DCDC2: variants seen among roughly 807,000 people sequenced by gnomAD.
DCDC2 encodes doublecortin domain-containing protein 2.
In DCDC2, 40 loss-of-function variants were observed where a neutral mutation model predicts 50.2. That is an observed-to-expected ratio of 0.80 (90% CI 0.62 to 1.04). DCDC2 has a LOEUF of 1.04. Among genes scored for constraint, DCDC2 ranks in the 50% least tolerant of loss-of-function variants. The probability of loss-of-function intolerance (pLI) is 0.00; values close to 1 mark genes in which losing one functional copy is unlikely to be tolerated. For synonymous variants in DCDC2, 234 were observed against 210.6 expected (o/e 1.11, Z -0.96); for missense variants, 570 against 581.9 (o/e 0.98, Z 0.21).
intron 7 of DCDC2, among the ~76,000 whole-genome samples, chr6:24,230,477 A>G (rs1237353758): frequency 6.6e-6 from 1 of 152,092 alleles, no homozygotes; most frequent in Admixed American, 6.5e-5. Flanking sequence ...CCCCGCCACT[A>G]CAAAAAAATA....
At chr6:24,211,522 C>T (rs1334945629) in intron 7 of DCDC2, among the ~76,000 whole-genome samples, 2 of 152,086 alleles carry the variant, frequency 1.3e-5, no homozygotes, top group Admixed American at 6.5e-5. Context: ...AAGCAGCTGA[C>T]CTTGAGATGG....
intron 7 of DCDC2, among the ~76,000 whole-genome samples, chr6:24,241,347 A>G (rs1382649247): frequency 2.0e-5 from 3 of 152,212 alleles, no homozygotes; most frequent in African/African-American, 7.2e-5. Context: ...TTACACAAAT[A>G]TATTTCACAT....
chr6:24,185,722 CACACATAT>C (rs748051670), intron 8 of DCDC2, among the ~76,000 whole-genome samples: 2 of 137,382 alleles, frequency 1.5e-5, no homozygotes, highest in Admixed American at 1.4e-4. Context: ...CACACACACA[CACACATAT>C]ACACACAGAT....
intron 2 of DCDC2, among the ~76,000 whole-genome samples, chr6:24,320,371 G>A (rs138603349): frequency 0.014 from 2,068 of 152,152 alleles, 29 homozygotes; most frequent in Non-Finnish European, 0.018. Context: ...TCTCACTGTC[G>A]CCCAGGCTGG....
chr6:24,262,207 T>C (rs1316209080), intron 7 of DCDC2, among the ~76,000 whole-genome samples: 1 of 145,486 alleles, frequency 6.9e-6, no homozygotes, highest in African/African-American at 2.6e-5. Flanking sequence ...TTGTGAGACT[T>C]TGCATTGTAA....
chr6:24,339,996 T>C (rs112667350), intron 2 of DCDC2, among the ~76,000 whole-genome samples: 81 of 152,272 alleles, frequency 5.3e-4, no homozygotes, highest in Non-Finnish European at 6.9e-4. Context: ...TGGAGAGGAA[T>C]AGAGTTTCGG....
intron 2 of DCDC2, among the ~76,000 whole-genome samples, chr6:24,347,935 G>C (rs957436931): frequency 6.6e-6 from 1 of 152,118 alleles, no homozygotes; most frequent in African/African-American, 2.4e-5. Context: ...ACTTAAATTG[G>C]CCCAAAAGGA....
intron 7 of DCDC2, among the ~76,000 whole-genome samples, chr6:24,224,477 G>A (rs62403472): frequency 0.079 from 11,991 of 152,264 alleles, 761 homozygotes; most frequent in African/African-American, 0.17. Flanking sequence ...GATCTGCTCA[G>A]TGCTCTTTAA....
chr6:24,357,952 G>GT lies in DCDC2; in HGVS notation c.-203dup, dbSNP rs1443965349. ...ACACTAGGAGCTTGCAGGACTCGGA[G>GT]TAGACGCTCAAGTTTTTCACCGTGG... On this transcript the variant is annotated 5_prime_UTR_variant, in exon 1 of 10. Coordinates refer to ENST00000378454, the MANE Select transcript of DCDC2 (RefSeq NM_016356.5). 5 of 1,499,384 alleles carry GT rather than the reference G, an allele frequency of 3.3e-6. No homozygotes were observed. The highest frequency in any genetic ancestry group is 4.4e-6 in the Non-Finnish European group (5 of 1,124,610). The allele number at this position is 1,499,384 out of a possible 1,614,324, so 92.9% of individuals were successfully genotyped here. A position where few individuals can be genotyped will look rare whatever the true frequency, so the allele number is the denominator to read the frequency against.
Position 24,318,698 on chromosome 6 carries a change from C to T in DCDC2, c.349-16654G>A, listed in dbSNP as rs577425615. 2.6e-5 allele frequency among the ~76,000 whole-genome samples: 4 copies of T among 152,052 alleles called. No individual in the cohort carries two copies. The South Asian group carries it at 8.3e-4, about 32-fold the overall frequency. ...TGAGTAGTTACGCTTAAGATAATGG[C>T]TTCCAGTTCCATCCATGTTGCGGCA... is the stretch of plus-strand genomic sequence containing the variant. On this transcript the variant is annotated intron_variant, in intron 2 of 9. Coordinates refer to ENST00000378454, the MANE Select transcript of DCDC2 (RefSeq NM_016356.5).
chr6:24,251,293 C>T (rs1009734148), intron 7 of DCDC2, among the ~76,000 whole-genome samples: 1 of 152,146 alleles, frequency 6.6e-6, no homozygotes, highest in Non-Finnish European at 1.5e-5. Flanking sequence ...AAAGTGAACC[C>T]CAAATGGCGC....
intron 2 of DCDC2, among the ~76,000 whole-genome samples, chr6:24,336,971 G>A (rs934623220): frequency 2.6e-5 from 4 of 152,066 alleles, no homozygotes; most frequent in Non-Finnish European, 5.9e-5. Flanking sequence ...AGGAACATGA[G>A]GCTCATAAAG....
chr6:24,307,130 A>T (rs1021341350), intron 2 of DCDC2, among the ~76,000 whole-genome samples: 1 of 152,136 alleles, frequency 6.6e-6, no homozygotes, highest in African/African-American at 2.4e-5. Context: ...TGCTCCATGA[A>T]CTAATTAATA....
intron 4 of DCDC2, among the ~76,000 whole-genome samples, chr6:24,294,359 A>C (rs1047117231): frequency 1.3e-5 from 2 of 152,110 alleles, no homozygotes; most frequent in Admixed American, 6.5e-5. Context: ...TGTCTCCAAA[A>C]AAAAAGTTAG....
At position 24,288,842 on chromosome 6, in the gene DCDC2, T is replaced by C; in HGVS notation, c.759+10A>G. The stretch of plus-strand genomic sequence containing the variant: ...ATAGAACATCAACGAGGAAAGCATC[T>C]GATACTTACACTCCCTTTAGACTTT... On this transcript the variant is annotated intron_variant, in intron 6 of 9. Transcript: ENST00000378454. 6.2e-7 allele frequency: 1 copy of C among 1,608,562 alleles called. No individual in the cohort carries two copies. Among genetic ancestry groups the C allele is most frequent in the South Asian group, 1.1e-5 (1 of 90,866 alleles).
At position 24,173,384 on chromosome 6, in the gene DCDC2, T is replaced by C. The variant is rs1004157703; in HGVS notation, c.*1346A>G. ...AATGTTTTAAACTTGTAATTGTGAA[T>C]TTTAGAAAAGCACTAGAAGTTAAAA... On this transcript the variant is annotated 3_prime_UTR_variant, in exon 10 of 10. Coordinates refer to ENST00000378454, the MANE Select transcript of DCDC2 (RefSeq NM_016356.5). 2 of 152,162 alleles carry C rather than the reference T, an allele frequency of 1.3e-5. No individual in the cohort carries two copies. The highest frequency in any genetic ancestry group is 2.9e-5 in the Non-Finnish European group (2 of 68,016). 9.4% of individuals were successfully genotyped at this position (152,162 alleles called of 1,614,324 possible).
chr6:24,188,435 A>G (rs1761248560), intron 8 of DCDC2, among the ~76,000 whole-genome samples: 1 of 152,212 alleles, frequency 6.6e-6, no homozygotes. Context: ...GGCCATAAAG[A>G]CAGTTCTACA....
chr6:24,216,918 T>C (rs528372552), intron 7 of DCDC2, among the ~76,000 whole-genome samples: 1 of 152,232 alleles, frequency 6.6e-6, no homozygotes, highest in South Asian at 2.1e-4. Flanking sequence ...CCAAAACAAG[T>C]TACAACATAG....
At chr6:24,367,374 C>T in the DCDC2 span, among the ~76,000 whole-genome samples, 9 of 152,178 alleles carry the variant, frequency 5.9e-5, no homozygotes, top group Non-Finnish European at 1.3e-4. Flanking sequence ...AGAAGTTCCC[C>T]ATGCAAATAT....
Sources: gnomAD v4.1 joint callset for allele counts (sites outside exome capture counted in the v4.1 genomes callset) on GRCh38, gnomAD v4.1.1 for gene constraint, MANE v1.5 for transcripts, NCBI Gene and HGNC (gene_info 2026-07-23, HGNC 2026-07-21) for gene names.